The following RGS7 variants were observed in gnomAD, a reference collection of about 807,000 sequenced individuals.
The protein encoded by RGS7 is regulator of G protein signaling 7.
A neutral mutation model predicts 81.1 loss-of-function variants in RGS7; 27 were observed. The observed-to-expected ratio is 0.33, with a 90% CI of 0.25 to 0.46. The LOEUF (loss-of-function observed/expected upper bound fraction) is 0.46. RGS7 is among the 20% of genes least tolerant of loss of function. RGS7 has a pLI of 1.00. For synonymous variants in RGS7, 208 were observed against 207.7 expected (o/e 1.00, Z -0.01); for missense variants, 396 against 607.4 (o/e 0.65, Z 3.66).
chr1:240,796,927 T>C (rs1185210567), intron 18 of RGS7, among the ~76,000 whole-genome samples: 1 of 152,170 alleles, frequency 6.6e-6, no homozygotes, highest in Admixed American at 6.5e-5. Flanking sequence ...TACAGATAAT[T>C]GTCTTCATTA....
At chr1:240,945,815 T>C (rs1015892661) in intron 4 of RGS7, among the ~76,000 whole-genome samples, 2 of 152,232 alleles carry the variant, frequency 1.3e-5, no homozygotes, top group African/African-American at 4.8e-5. Context: ...AATCCTAGTT[T>C]ATAAAAGCAC....
chr1:240,851,678 T>C (rs192685332), intron 9 of RGS7, among the ~76,000 whole-genome samples: 2 of 152,264 alleles, frequency 1.3e-5, no homozygotes, highest in Non-Finnish European at 2.9e-5. Context: ...ATTAGGAACA[T>C]TTATGATTCA....
At chr1:240,844,897 T>C (rs1315609075) in intron 9 of RGS7, among the ~76,000 whole-genome samples, 1 of 152,210 alleles carries the variant, frequency 6.6e-6, no homozygotes, top group African/African-American at 2.4e-5. Flanking sequence ...ATGGGCTGAT[T>C]TGAACTTAAG....
intron 2 of RGS7, among the ~76,000 whole-genome samples, chr1:241,342,674 C>T (rs777603759): frequency 2.6e-5 from 4 of 152,166 alleles, no homozygotes; most frequent in Non-Finnish European, 4.4e-5. Context: ...AGTCCATAGG[C>T]CAAAGCCCTT....
intron 9 of RGS7, among the ~76,000 whole-genome samples, chr1:240,835,245 A>G (rs977877510): frequency 3.3e-5 from 5 of 152,250 alleles, no homozygotes; most frequent in Non-Finnish European, 7.3e-5. Flanking sequence ...ACCCAACAAT[A>G]AGAAGATACC....
intron 2 of RGS7, among the ~76,000 whole-genome samples, chr1:241,266,481 T>G (rs1464970025): frequency 3.9e-5 from 6 of 152,214 alleles, no homozygotes; most frequent in Non-Finnish European, 7.3e-5. Flanking sequence ...TTATCAGGAT[T>G]ATCTTGGTTC....
intron 2 of RGS7, among the ~76,000 whole-genome samples, chr1:241,221,461 A>C (rs1384847794): frequency 6.6e-6 from 1 of 152,240 alleles, no homozygotes; most frequent in East Asian, 1.9e-4. Flanking sequence ...GAGAATAGTC[A>C]GTGGAATACG....
rs116825577 is a variant in RGS7 at position 241,082,725 on chromosome 1, G to T, written c.175+15941C>A. Among the ~76,000 whole-genome samples, 712 of 152,272 alleles carry T rather than the reference G, an allele frequency of 4.7e-3. 2 individuals carry two copies. Among genetic ancestry groups the T allele is most frequent in the Non-Finnish European group, 6.6e-3 (447 of 68,022 alleles). ...ATAGTTAGAAGAGAAGAATTGTAAT[G>T]TTCCTGACACAAAGAAAAGATAAAT... On this transcript the variant is annotated intron_variant, in intron 3 of 18. Transcript: ENST00000440928.
chr1:241,256,189 A>G (rs1207322765), intron 2 of RGS7, among the ~76,000 whole-genome samples: 1 of 152,236 alleles, frequency 6.6e-6, no homozygotes, highest in Non-Finnish European at 1.5e-5. Flanking sequence ...ATGTAAGAGG[A>G]TATAGAAAAT....
intron 9 of RGS7, among the ~76,000 whole-genome samples, chr1:240,828,149 A>G (rs1693202466): frequency 6.6e-6 from 1 of 152,104 alleles, no homozygotes; most frequent in African/African-American, 2.4e-5. Flanking sequence ...GGGCAGGTGA[A>G]CCCCTTTAAA....
intron 2 of RGS7, among the ~76,000 whole-genome samples, chr1:241,303,302 T>C (rs1165442205): frequency 6.6e-6 from 1 of 152,158 alleles, no homozygotes; most frequent in Admixed American, 6.5e-5. Flanking sequence ...CTCCCACTGC[T>C]CTCTCTTCCT....
chr1:240,890,190 G>T (rs1474053384), intron 6 of RGS7, among the ~76,000 whole-genome samples: 4 of 152,036 alleles, frequency 2.6e-5, no homozygotes, highest in Non-Finnish European at 5.9e-5. Context: ...GTCTCGCTCT[G>T]TCACCAGGCT....
chr1:241,100,489 T>C (rs528229385), intron 2 of RGS7, among the ~76,000 whole-genome samples: 2 of 152,158 alleles, frequency 1.3e-5, no homozygotes, highest in South Asian at 2.1e-4. Flanking sequence ...AATCACACTA[T>C]GAACAGATGT....
chr1:241,125,681 G>A (rs932392606), intron 2 of RGS7, among the ~76,000 whole-genome samples: 2 of 152,190 alleles, frequency 1.3e-5, no homozygotes, highest in Admixed American at 6.5e-5. Context: ...CATAGTAGGT[G>A]CTTAGAAAAT....
At chr1:240,905,492 C>T (rs1670676615) in intron 6 of RGS7, among the ~76,000 whole-genome samples, 1 of 152,278 alleles carries the variant, frequency 6.6e-6, no homozygotes, top group African/African-American at 2.4e-5. Context: ...TTCCATTTTG[C>T]ACCCAACCAC....
chr1:241,067,811 G>A lies in RGS7; in HGVS notation c.175+30855C>T, dbSNP rs577481646. Among the ~76,000 whole-genome samples the A allele has an allele frequency of 7.9e-5, 12 of 152,052 alleles. No individual in the cohort carries two copies. The South Asian group carries it at 1.9e-3, about 24-fold the overall frequency. On this transcript the variant is annotated intron_variant, in intron 3 of 18. Transcript: ENST00000440928. The stretch of plus-strand genomic sequence containing the variant: ...ATTACAGGCATGAGCCACTGCACCC[G>A]GCCTACAATGAGATATTTTCTAAGA...
intron 6 of RGS7, among the ~76,000 whole-genome samples, chr1:240,880,285 T>C (rs1318142517): frequency 1.3e-5 from 2 of 152,248 alleles, no homozygotes; most frequent in African/African-American, 4.8e-5. Flanking sequence ...CCAGCAGTTC[T>C]CCCGCTCTGG....
chr1:240,858,517 T>A (rs1485201848), intron 9 of RGS7, among the ~76,000 whole-genome samples: 1 of 152,210 alleles, frequency 6.6e-6, no homozygotes, highest in Non-Finnish European at 1.5e-5. Context: ...CCTCTGTGTA[T>A]GTTTTTTGGT....
chr1:241,202,330 T>C (rs1188326202), intron 2 of RGS7, among the ~76,000 whole-genome samples: 1 of 152,082 alleles, frequency 6.6e-6, no homozygotes, highest in Non-Finnish European at 1.5e-5. Context: ...AATAGGAAAA[T>C]AGTTCTTTCT....
Sources: gnomAD v4.1 joint callset for allele counts (sites outside exome capture counted in the v4.1 genomes callset) on GRCh38, gnomAD v4.1.1 for gene constraint, MANE v1.5 for transcripts, NCBI Gene and HGNC (gene_info 2026-07-23, HGNC 2026-07-21) for gene names.